Variants in UBE2L6 observed in about 807,000 individuals in gnomAD.
UBE2L6 encodes the protein ubiquitin conjugating enzyme E2 L6, also known as ubiquitin/ISG15-conjugating enzyme E2 L6.
In UBE2L6, 11 loss-of-function variants were observed where a neutral mutation model predicts 13.6. The ratio of observed to expected loss-of-function variants is 0.81; its 90% CI spans 0.51 to 1.34. The LOEUF (loss-of-function observed/expected upper bound fraction) is 1.34, where lower values mean the gene tolerates loss of function less well. Ranked by LOEUF, UBE2L6 falls within the 40% of genes most tolerant of loss-of-function variation. The pLI is 0.00. For missense variants in UBE2L6, 197 were observed against 199.5 expected (o/e 0.99, Z 0.07); for synonymous variants, 74 against 83.2 (o/e 0.89, Z 0.60).
chr11:57,559,117 T>G (rs1945018645), intron 2 of UBE2L6, among the ~76,000 whole-genome samples: 1 of 152,232 alleles, frequency 6.6e-6, no homozygotes. Flanking sequence ...TGGAGCTCCT[T>G]TGAGCATCTT....
chr11:57,561,228 G>A (rs1475079435), intron 1 of UBE2L6, among the ~76,000 whole-genome samples: 1 of 152,120 alleles, frequency 6.6e-6, no homozygotes, highest in Non-Finnish European at 1.5e-5. Context: ...GCTGGAGAAG[G>A]GAAATGACTC....
chr11:57,562,103 G>C (rs76572824), intron 1 of UBE2L6, among the ~76,000 whole-genome samples: 1,589 of 152,372 alleles, frequency 0.01, 31 homozygotes, highest in African/African-American at 0.036. Flanking sequence ...CCTGCAGGGT[G>C]AGTCTCAGGC....
intron 1 of UBE2L6, 144 bp downstream of exon 1, chr11:57,567,441 G>T: frequency 8.4e-7 from 1 of 1,197,530 alleles, no homozygotes; most frequent in South Asian, 1.4e-5. Context: ...CTGAGTAGAG[G>T]GCGGGGAGGA....
chr11:57,560,919 C>T (rs967231733), intron 1 of UBE2L6, among the ~76,000 whole-genome samples: 14 of 151,474 alleles, frequency 9.2e-5, no homozygotes, highest in African/African-American at 1.5e-4. Context: ...CGCGCCCAGC[C>T]GGTGCTGGTG....
chr11:57,567,444 G>T, intron 1 of UBE2L6, 141 bp downstream of exon 1: 2 of 1,206,946 alleles, frequency 1.7e-6, no homozygotes, highest in African/African-American at 1.5e-5. Flanking sequence ...AGTAGAGGGC[G>T]GGGAGGACAG....
intron 1 of UBE2L6, chr11:57,567,054 G>A (rs920189427): frequency 1.8e-5 from 8 of 450,360 alleles, no homozygotes; most frequent in Middle Eastern, 3.3e-4. Flanking sequence ...GTCCACCTCC[G>A]CATCTTTTCC....
intron 1 of UBE2L6, among the ~76,000 whole-genome samples, chr11:57,561,216 G>C (rs920308376): frequency 6.6e-6 from 1 of 152,262 alleles, no homozygotes; most frequent in East Asian, 1.9e-4. Flanking sequence ...TGCCAGATCA[G>C]GGCTGGAGAA....
At chr11:57,566,882 T>C in intron 1 of UBE2L6, 1 of 416,096 alleles carries the variant, frequency 2.4e-6, no homozygotes. Context: ...CCAGATCTTA[T>C]TTCAAATTGT....
intron 1 of UBE2L6, among the ~76,000 whole-genome samples, chr11:57,563,123 A>G (rs7482188): frequency 1.3e-5 from 2 of 152,198 alleles, no homozygotes; most frequent in Non-Finnish European, 2.9e-5. Flanking sequence ...GAAGGAATTC[A>G]GAATCCCATC....
intron 2 of UBE2L6, among the ~76,000 whole-genome samples, chr11:57,557,206 C>A (rs1252920615): frequency 6.6e-6 from 1 of 152,128 alleles, no homozygotes; most frequent in Non-Finnish European, 1.5e-5. Flanking sequence ...ACCTCACAGT[C>A]ATAAGAGAGT....
At chr11:57,563,889 G>A (rs967756626) in intron 1 of UBE2L6, among the ~76,000 whole-genome samples, 1 of 152,112 alleles carries the variant, frequency 6.6e-6, no homozygotes, top group Non-Finnish European at 1.5e-5. Flanking sequence ...GCAACAGAGC[G>A]AGACTCCGTC....
chr11:57,560,873 G>A (rs1390553089), intron 1 of UBE2L6, among the ~76,000 whole-genome samples: 3 of 151,920 alleles, frequency 2.0e-5, no homozygotes, highest in African/African-American at 7.3e-5. Flanking sequence ...GCCCGCCTCA[G>A]CCTCCCAAAG....
At chr11:57,555,572 CAAT>C (rs1449266207) in intron 2 of UBE2L6, among the ~76,000 whole-genome samples, 2 of 151,956 alleles carry the variant, frequency 1.3e-5, no homozygotes, top group East Asian at 3.9e-4. Flanking sequence ...GGTTGTGCAA[CAAT>C]GTGTGTTTGT....
intron 1 of UBE2L6, among the ~76,000 whole-genome samples, chr11:57,561,397 G>T (rs1020965927): frequency 3.9e-5 from 6 of 152,164 alleles, no homozygotes; most frequent in African/African-American, 1.2e-4. Flanking sequence ...ATTTAACTGA[G>T]ACAGGACCCA....
At chr11:57,557,539 C>A (rs533976216) in intron 2 of UBE2L6, among the ~76,000 whole-genome samples, 1 of 152,052 alleles carries the variant, frequency 6.6e-6, no homozygotes, top group Admixed American at 6.6e-5. Context: ...GGATTATAGG[C>A]ATGCACCACC....
rs149420409 is a variant in UBE2L6, at chr11:57,564,041, G to A, written c.27+3544C>T. 1.7e-4 allele frequency among the ~76,000 whole-genome samples: 26 copies of A among 152,296 alleles called. No individual in the cohort carries two copies. In the East Asian group the frequency reaches 3.3e-3, roughly 19 times the overall value. On this transcript the variant is annotated intron_variant, in intron 1 of 3. Coordinates refer to ENST00000287156, the MANE Select transcript of UBE2L6 (RefSeq NM_004223.5). ...ACAGGGCTAGAAAGTTTATTCAAAC[G>A]GATAGTAGCAGAGAATTTCCCAAAT...
intron 1 of UBE2L6, among the ~76,000 whole-genome samples, chr11:57,560,994 G>C (rs1002334856): frequency 6.6e-6 from 1 of 152,060 alleles, no homozygotes; most frequent in Non-Finnish European, 1.5e-5. Flanking sequence ...CTAGGTGCAG[G>C]GAAAAATAGA....
chr11:57,560,774 C>T (rs1431511128), intron 1 of UBE2L6, among the ~76,000 whole-genome samples: 3 of 151,982 alleles, frequency 2.0e-5, no homozygotes, highest in African/African-American at 4.8e-5. Flanking sequence ...ACGCCCGCCA[C>T]CACGCCCCGC....
In UBE2L6 at chr11:57,554,566, A is replaced by T. The variant is rs774753576; in HGVS notation, c.181T>A (p.Tyr61Asn). ...FNLRISFPPE[Y>N]PFKPPMIKFT... ...TTGATCATGGGAGGCTTGAACGGAT[A>T]CTCCGGCGGGAAGCTGATGCGCAGG... Residue 61 changes from tyrosine to asparagine, a missense_variant, in exon 3 of 4, where the codon TAT becomes AAT. By Grantham distance (143) the Tyr-to-Asn change is moderately radical. Transcript: ENST00000287156. The T allele has an allele frequency of 4.3e-6, 7 of 1,613,854 alleles. No individual in the cohort carries two copies. The highest frequency in any genetic ancestry group is 1.6e-4 in the Middle Eastern group (1 of 6,084).
Sources: allele counts gnomAD v4.1 joint callset (sites outside exome capture counted in the v4.1 genomes callset), GRCh38; gene constraint gnomAD v4.1.1; transcripts MANE v1.5; gene names NCBI Gene and HGNC (gene_info 2026-07-23, HGNC 2026-07-21).